ERVMER34-1: variants seen among roughly 807,000 people sequenced by gnomAD.
ERVMER34-1 encodes endogenous retrovirus group MER34 member 1, envelope, also known as endogenous retroviral envelope protein HEMO.
For missense variants in ERVMER34-1, 471 were observed against 295.1 expected (o/e 1.60, Z -4.37); for synonymous variants, 199 against 111.7 (o/e 1.78, Z -4.93).
chr4:52,747,571 C>T (rs1716184880), intron 2 of ERVMER34-1, among the ~76,000 whole-genome samples: 1 of 152,136 alleles, frequency 6.6e-6, no homozygotes, highest in African/African-American at 2.4e-5. Flanking sequence ...CATCCCTGGC[C>T]TTGAGTGAAA....
chr4:52,744,957 T>G lies in ERVMER34-1; in HGVS notation c.564A>C (p.Ala188=). 4.3e-6 allele frequency: 3 copies of G among 704,140 alleles called. No homozygotes were observed. Among genetic ancestry groups the G allele is most frequent in the Non-Finnish European group, 5.2e-6 (2 of 385,010 alleles). The allele number at this position is 704,140 out of a possible 1,614,324, so 43.6% of individuals were successfully genotyped here. A position where few individuals can be genotyped will look rare whatever the true frequency, so the allele number is the denominator to read the frequency against. The change falls in exon 3 of 3, where the codon GCA becomes GCC. Residue 188 remains alanine, a synonymous_variant. Coordinates refer to ENST00000443173, the MANE Select transcript of ERVMER34-1 (RefSeq NM_001242690.2). ...TGTTCCAGGTCCGGTTTGTGCAACC[T>G]GCAAACCAGGAACATTGTCTAGTGC... ...CLGTRQCSWF[A]GCTNRTWNSS...
chr4:52,750,375 T>G (rs1716258082), intron 2 of ERVMER34-1, among the ~76,000 whole-genome samples: 1 of 152,210 alleles, frequency 6.6e-6, no homozygotes, highest in African/African-American at 2.4e-5. Context: ...ACAGTCTATT[T>G]ATTTTCCTAC....
rs1361166692 is a variant in ERVMER34-1, at chr4:52,744,612, A to C, written c.909T>G (p.Asn303Lys). 6 of 704,058 alleles carry C rather than the reference A, an allele frequency of 8.5e-6. No homozygotes were observed. Among genetic ancestry groups the C allele is most frequent in the Non-Finnish European group, 1.3e-5 (5 of 384,984 alleles). 43.6% of individuals were successfully genotyped at this position (704,058 alleles called of 1,614,324 possible). Residue 303 changes from asparagine (N) to lysine (K), a missense_variant, in exon 3 of 3, where the codon AAT (asparagine) becomes AAG (lysine). By Grantham distance (94) the Asn-to-Lys change is moderately conservative. Coordinates refer to ENST00000443173, the MANE Select transcript of ERVMER34-1 (RefSeq NM_001242690.2). ...TAGGTGGAAACCCTTTGTACACCCC[A>C]TTGCCGCACAAAAAAAAGAGGCCAG... ...NNSGLFFLCG[N>K]GVYKGFPPKW...
chr4:52,749,339 C>A (rs567458787), intron 2 of ERVMER34-1, among the ~76,000 whole-genome samples: 2 of 152,272 alleles, frequency 1.3e-5, no homozygotes, highest in South Asian at 2.1e-4. Flanking sequence ...TAAAAGAGTG[C>A]CTTTCTACTT....
chr4:52,751,221 C>A (rs1460310162), intron 1 of ERVMER34-1, 122 bp downstream of exon 1: 3 of 152,346 alleles, frequency 2.0e-5, no homozygotes, highest in East Asian at 1.9e-4. Flanking sequence ...CTTTACCCCT[C>A]CGTTCTGGCC....
At chr4:52,750,477 G>A (rs1716260029) in intron 2 of ERVMER34-1, among the ~76,000 whole-genome samples, 3 of 152,100 alleles carry the variant, frequency 2.0e-5, no homozygotes, top group Non-Finnish European at 4.4e-5. Context: ...AAATGGGCAG[G>A]CAAAAATGGA....
intron 2 of ERVMER34-1, among the ~76,000 whole-genome samples, chr4:52,747,854 A>G (rs1359144287): frequency 2.0e-5 from 3 of 152,244 alleles, no homozygotes; most frequent in Non-Finnish European, 2.9e-5. Context: ...CCTGACCAAC[A>G]TGGAGAAATC....
chr4:52,746,254 A>T (rs951753306), intron 2 of ERVMER34-1, among the ~76,000 whole-genome samples: 2 of 151,782 alleles, frequency 1.3e-5, no homozygotes, highest in African/African-American at 4.9e-5. Flanking sequence ...CCCTGGCCTC[A>T]ACTGATCATC....
At chr4:52,748,481 T>C (rs1716204944) in intron 2 of ERVMER34-1, among the ~76,000 whole-genome samples, 1 of 152,216 alleles carries the variant, frequency 6.6e-6, no homozygotes, top group African/African-American at 2.4e-5. Flanking sequence ...CAGATTTCAA[T>C]GGGTACGGAC....
chr4:52,744,936 C>G lies in ERVMER34-1; in HGVS notation c.585G>C (p.Trp195Cys). ...CAATCAAGGGAACAGCTGAGCTGTTCCAGGTCCGGTTTGTGCAACCTGCAA... is the reference window on the plus strand; with the variant it reads ...CAATCAAGGGAACAGCTGAGCTGTTGCAGGTCCGGTTTGTGCAACCTGCAA... ...SWFAGCTNRTWNSSAVPLIGL... is the reference protein window; with the variant it reads ...SWFAGCTNRTCNSSAVPLIGL... The change falls in exon 3 of 3, where the codon TGG (tryptophan) becomes TGC (cysteine). Residue 195 changes from tryptophan to cysteine, a missense_variant. Trp to Cys is a radical substitution (Grantham distance 215). Transcript: ENST00000443173. 1 of 704,086 alleles carries G rather than the reference C, an allele frequency of 1.4e-6. No homozygotes were observed. The highest frequency in any genetic ancestry group is 2.0e-5 in the Admixed American group (1 of 50,018). 43.6% of individuals were successfully genotyped at this position (704,086 alleles called of 1,614,324 possible). A position where few individuals can be genotyped will look rare whatever the true frequency, so the allele number is the denominator to read the frequency against.
chr4:52,744,999 A>G lies in ERVMER34-1; in HGVS notation c.522T>C (p.Asp174=), dbSNP rs2109413972. The G allele has an allele frequency of 1.4e-6, 1 of 704,154 alleles. No homozygotes were observed. The highest frequency in any genetic ancestry group is 1.5e-5 in the South Asian group (1 of 67,600). The allele number at this position is 704,154 out of a possible 1,614,324, so 43.6% of individuals were successfully genotyped here. ...GTCTAGTGCCTAGGCAAACACTTGT[A>G]TCATCATCATCGTTCCTGGATTCAT... ...VTNESRNDDD[D]TSVCLGTRQC... Residue 174 remains aspartate, a synonymous_variant, in exon 3 of 3, where the codon GAT becomes GAC. Coordinates refer to ENST00000443173, the MANE Select transcript of ERVMER34-1 (RefSeq NM_001242690.2).
At chr4:52,747,758 C>T (rs570641115) in intron 2 of ERVMER34-1, among the ~76,000 whole-genome samples, 41 of 152,324 alleles carry the variant, frequency 2.7e-4, no homozygotes, top group African/African-American at 9.6e-4. Flanking sequence ...TGAGATGCAG[C>T]CGGGCACAGT....
Position 52,744,864 on chromosome 4 carries a change from T to A in ERVMER34-1, c.657A>T (p.Gly219=), listed in dbSNP as rs746780355. The change falls in exon 3 of 3, where the codon GGA becomes GGT. Residue 219 remains glycine (G), a synonymous_variant. Transcript: ENST00000443173. ...AGGTGTCATTACCTGACCAGGTCAA[T>A]CCAGAATTTCGATCTACCCATTTGT... ...QDYKWVDRNS[G]LTWSGNDTCL... The A allele has an allele frequency of 1.8e-5, 13 of 703,944 alleles. No individual in the cohort carries two copies. 43.6% of individuals were successfully genotyped at this position (703,944 alleles called of 1,614,324 possible). A position where few individuals can be genotyped will look rare whatever the true frequency, so the allele number is the denominator to read the frequency against.
chr4:52,751,180 G>T (rs1035790479), intron 1 of ERVMER34-1, 111 bp from the exon 2 acceptor site: 2 of 152,152 alleles, frequency 1.3e-5, no homozygotes, highest in Admixed American at 6.5e-5. Context: ...GGACGGGCAC[G>T]GCCGTCCGCC....
At chr4:52,746,089 T>C (rs1716150326) in intron 2 of ERVMER34-1, 146 bp from the exon 3 acceptor site, 1 of 153,018 alleles carries the variant, frequency 6.5e-6, no homozygotes, top group Non-Finnish European at 1.5e-5. Flanking sequence ...ATTCAATCTA[T>C]GAAAGTTTTA....
intron 2 of ERVMER34-1, among the ~76,000 whole-genome samples, chr4:52,747,879 A>T (rs1289154460): frequency 1.3e-5 from 2 of 152,188 alleles, no homozygotes; most frequent in African/African-American, 4.8e-5. Context: ...CTCTACTAAA[A>T]ATATAAAATT....
At position 52,745,799 on chromosome 4, in the gene ERVMER34-1, C is replaced by G; in HGVS notation, c.-279G>C. ...CCAGTTGTCATATAATGATCTCAAT[C>G]TAGCTTCCTGTGGCTTGTACAAATT... On this transcript the variant is annotated 5_prime_UTR_variant, in exon 3 of 3. Coordinates refer to ENST00000443173, the MANE Select transcript of ERVMER34-1 (RefSeq NM_001242690.2). The G allele has an allele frequency of 2.4e-6, 1 of 422,310 alleles. No individual in the cohort carries two copies. Among genetic ancestry groups the G allele is most frequent in the South Asian group, 3.7e-5 (1 of 26,876 alleles). 26.2% of individuals were successfully genotyped at this position (422,310 alleles called of 1,614,324 possible).
chr4:52,746,215 G>T (rs67701062), intron 2 of ERVMER34-1, among the ~76,000 whole-genome samples: 17,905 of 151,828 alleles, frequency 0.12, 1,071 homozygotes, highest in East Asian at 0.2. Flanking sequence ...GATGGAGGTC[G>T]CACTTTGTTG....
At chr4:52,750,715 C>T (rs1213896166) in intron 2 of ERVMER34-1, 1 of 152,312 alleles carries the variant, frequency 6.6e-6, no homozygotes, top group East Asian at 1.9e-4. Flanking sequence ...CTCACAAGTC[C>T]TAAAGACAGG....
Sources: allele counts gnomAD v4.1 joint callset (sites outside exome capture counted in the v4.1 genomes callset), GRCh38; gene constraint gnomAD v4.1.1; transcripts MANE v1.5; gene names NCBI Gene and HGNC (gene_info 2026-07-23, HGNC 2026-07-21).